ARHGAP22: variants seen among roughly 807,000 people sequenced by gnomAD.
The protein encoded by ARHGAP22 is Rho GTPase activating protein 22, also known as rho GTPase-activating protein 22.
A neutral mutation model predicts 59.1 loss-of-function variants in ARHGAP22; 48 were observed. That is an observed-to-expected ratio of 0.81 (90% confidence interval 0.64 to 1.03). The LOEUF (loss-of-function observed/expected upper bound fraction) is 1.03, where lower values mean the gene tolerates loss of function less well. Among genes scored for constraint, ARHGAP22 ranks in the 50% least tolerant of loss-of-function variants. The pLI is 0.00. For missense variants in ARHGAP22, 1,015 were observed against 958.7 expected (o/e 1.06, Z -0.78); for synonymous variants, 445 against 416.4 (o/e 1.07, Z -0.84).
intron 1 of ARHGAP22, among the ~76,000 whole-genome samples, chr10:48,594,163 C>T (rs934142568): frequency 6.6e-6 from 1 of 152,226 alleles, no homozygotes; most frequent in Non-Finnish European, 1.5e-5. Flanking sequence ...AGGTCAGAGC[C>T]TCTGCCTGCA....
Position 48,605,062 on chromosome 10 carries a change from T to C in ARHGAP22, c.-266A>G. On this transcript the variant is annotated 5_prime_UTR_variant, in exon 1 of 10. Transcript: ENST00000249601. ...CCATTAAAGCCTCAGTAATCACTGCTGATCAATCACTGGACCAGGGCGGGG... is the reference window on the plus strand; with the variant it reads ...CCATTAAAGCCTCAGTAATCACTGCCGATCAATCACTGGACCAGGGCGGGG... 7.2e-7 allele frequency: 1 copy of C among 1,388,870 alleles called. No individual in the cohort carries two copies. The highest frequency in any genetic ancestry group is 9.3e-7 in the Non-Finnish European group (1 of 1,070,658). The allele number at this position is 1,388,870 out of a possible 1,614,324, so 86.0% of individuals were successfully genotyped here. A position where few individuals can be genotyped will look rare whatever the true frequency, so the allele number is the denominator to read the frequency against.
rs144558405 is a variant in ARHGAP22 at position 48,538,044 on chromosome 10, C to T, written c.322+17419G>A. Among the ~76,000 whole-genome samples the T allele has an allele frequency of 7.8e-3, 1,183 of 152,296 alleles. 5 individuals are homozygous for T. Among genetic ancestry groups the T allele is most frequent in the African/African-American group, 0.025 (1,048 of 41,562 alleles). On this transcript the variant is annotated intron_variant, in intron 3 of 9. Coordinates refer to ENST00000249601, the MANE Select transcript of ARHGAP22 (RefSeq NM_021226.4). ...TTCCATAGGGATGCCATAACTAACT[C>T]CCACAAACTGGGTGGCTTAAAACAA...
At chr10:48,522,642 C>T (rs887233719) in intron 3 of ARHGAP22, among the ~76,000 whole-genome samples, 11 of 152,228 alleles carry the variant, frequency 7.2e-5, no homozygotes, top group African/African-American at 2.7e-4. Flanking sequence ...TGCAGCAAGA[C>T]CTTGCCCTCT....
intron 5 of ARHGAP22, among the ~76,000 whole-genome samples, chr10:48,457,651 G>T (rs991669086): frequency 4.6e-5 from 7 of 152,296 alleles, no homozygotes; most frequent in African/African-American, 1.7e-4. Context: ...CCAGTGCCCA[G>T]GGGACACTGT....
chr10:48,629,361 C>T (rs183557813), intron 1 of ARHGAP22, among the ~76,000 whole-genome samples: 90 of 152,316 alleles, frequency 5.9e-4, no homozygotes, highest in Non-Finnish European at 1.1e-3. Flanking sequence ...GGGTGTCAAT[C>T]CCAAGGTTTT....
intron 1 of ARHGAP22, among the ~76,000 whole-genome samples, chr10:48,629,572 CG>C (rs1411276379): frequency 6.6e-6 from 1 of 152,158 alleles, no homozygotes; most frequent in Non-Finnish European, 1.5e-5. Context: ...CATTCATCCA[CG>C]TGTCTATCAT....
upstream of ARHGAP22, among the ~76,000 whole-genome samples, chr10:48,606,775 T>A (rs1417478761): frequency 6.6e-6 from 1 of 152,164 alleles, no homozygotes; most frequent in Admixed American, 6.5e-5. Context: ...AATTCCCCAA[T>A]GAAATTCTCC....
At chr10:48,509,283 C>T (rs2052504092) in intron 3 of ARHGAP22, among the ~76,000 whole-genome samples, 1 of 152,162 alleles carries the variant, frequency 6.6e-6, no homozygotes, top group Non-Finnish European at 1.5e-5. Context: ...TGCTGGACCC[C>T]ATGGGGCATC....
chr10:48,439,853 A>C, the ARHGAP22 span, among the ~76,000 whole-genome samples: 1 of 152,090 alleles, frequency 6.6e-6, no homozygotes, highest in Admixed American at 6.5e-5. Context: ...TCCTGCTCCA[A>C]ATGACCTTTG....
Position 48,638,818 on chromosome 10 carries a change from T to C in ARHGAP22, c.52+13416A>G, listed in dbSNP as rs142523086. On this transcript the variant is annotated intron_variant, in intron 1 of 9. Coordinates refer to the ARHGAP22 transcript ENST00000435790. The stretch of plus-strand genomic sequence containing the variant: ...AATGGCAATAATGCCTGCAAGATCG[T>C]GCCTATATCCTAATAAGAAAGCGGA... 2.0e-5 allele frequency among the ~76,000 whole-genome samples: 3 copies of C among 152,188 alleles called. No individual in the cohort carries two copies. The East Asian group carries it at 5.8e-4, about 29-fold the overall frequency.
intron 4 of ARHGAP22, among the ~76,000 whole-genome samples, chr10:48,475,228 C>T (rs952502844): frequency 2.6e-5 from 4 of 152,146 alleles, no homozygotes; most frequent in Non-Finnish European, 5.9e-5. Flanking sequence ...TGCCCTTGTT[C>T]CTTCACTTGG....
intron 3 of ARHGAP22, among the ~76,000 whole-genome samples, chr10:48,550,908 C>T (rs558218416): frequency 7.9e-5 from 12 of 152,326 alleles, no homozygotes; most frequent in African/African-American, 2.4e-4. Context: ...CTTAGTTATT[C>T]TAACAGTCTC....
intron 2 of ARHGAP22, among the ~76,000 whole-genome samples, chr10:48,579,542 C>T (rs181307149): frequency 8.5e-5 from 13 of 152,318 alleles, no homozygotes; most frequent in Admixed American, 4.6e-4. Context: ...CAAGCTGCTT[C>T]CTTTTTCTCC....
intron 3 of ARHGAP22, among the ~76,000 whole-genome samples, chr10:48,498,158 A>G (rs12768718): frequency 0.23 from 35,206 of 151,948 alleles, 7,062 homozygotes; most frequent in East Asian, 0.59. Flanking sequence ...TTCTGAGAAG[A>G]AAGATGTGAT....
intron 4 of ARHGAP22, among the ~76,000 whole-genome samples, chr10:48,461,053 G>C (rs1011346012): frequency 2.6e-5 from 4 of 152,222 alleles, no homozygotes; most frequent in East Asian, 3.9e-4. Flanking sequence ...TCTGGAGATG[G>C]ATAGTGCTGA....
intron 1 of ARHGAP22, among the ~76,000 whole-genome samples, chr10:48,630,920 T>C (rs2061607527): frequency 6.6e-6 from 1 of 152,248 alleles, no homozygotes; most frequent in Non-Finnish European, 1.5e-5. Flanking sequence ...AGGGTTTTTG[T>C]GGATGTCCTT....
chr10:48,436,520 G>A, the ARHGAP22 span: 1 of 152,186 alleles, frequency 6.6e-6, no homozygotes, highest in Non-Finnish European at 1.5e-5. Flanking sequence ...ACTAGGAAAT[G>A]CATACTCACA....
intron 4 of ARHGAP22, among the ~76,000 whole-genome samples, chr10:48,473,188 C>T (rs890713257): frequency 1.3e-5 from 2 of 152,164 alleles, no homozygotes; most frequent in Admixed American, 1.3e-4. Flanking sequence ...TTCCAATATT[C>T]CACATAGATG....
At chr10:48,530,987 C>T (rs989542113) in intron 3 of ARHGAP22, among the ~76,000 whole-genome samples, 3 of 152,192 alleles carry the variant, frequency 2.0e-5, no homozygotes, top group Non-Finnish European at 2.9e-5. Context: ...TTTATAGCAG[C>T]GCAATTCGCT....
Sources: allele counts gnomAD v4.1 joint callset (sites outside exome capture counted in the v4.1 genomes callset), GRCh38; gene constraint gnomAD v4.1.1; transcripts MANE v1.5; gene names NCBI Gene and HGNC (gene_info 2026-07-23, HGNC 2026-07-21).